Variants in TAF1 observed in about 807,000 individuals in gnomAD.
The protein encoded by TAF1 is TATA-box binding protein associated factor 1.
TAF1 carries 2 observed loss-of-function variants against 138.5 expected under a neutral mutation model. The ratio of observed to expected loss-of-function variants is 0.01; its 90% CI spans 0.01 to 0.05. The LOEUF is 0.05. Ranked by LOEUF, TAF1 falls within the 10% of genes least tolerant of loss-of-function variation. The pLI is 1.00. For missense variants in TAF1, 709 were observed against 1,478.0 expected (o/e 0.48, Z 8.53); for synonymous variants, 437 against 503.2 (o/e 0.87, Z 1.76).
In TAF1 at chrX:71,368,068, A is replaced by G. The variant is rs1257225399; in HGVS notation, c.250A>G (p.Thr84Ala). 4 of 1,211,729 alleles carry G rather than the reference A, an allele frequency of 3.3e-6. No individual in the cohort carries two copies. Among genetic ancestry groups the G allele is most frequent in the Non-Finnish European group, 3.4e-6 (3 of 895,376 alleles). The change falls in exon 3 of 38, where the codon ACA becomes GCA. Residue 84 changes from threonine (T) to alanine (A), a missense_variant. Around this residue, in one of 14 missense-constraint regions of TAF1, gnomAD observed 123 missense variants for 161.6 expected, o/e 0.76. Coordinates refer to ENST00000423759, the MANE Select transcript of TAF1 (RefSeq NM_004606.5). ...LVNDEGWVRS[T>A]EDAVDYSDIN... ...TTTTTTCATAGGGTGGGTTAGGAGT[A>G]CAGAAGATGCTGTGGACTATTCAGA...
intron 32 of TAF1, among the ~76,000 whole-genome samples, chrX:71,427,888 G>A (rs1479999590): frequency 1.9e-5 from 2 of 102,776 alleles, no homozygotes; most frequent in Non-Finnish European, 4.0e-5. Context: ...GCGGTGAGCC[G>A]AGATAGTGCC....
chrX:71,394,124 T>A lies in TAF1; in HGVS notation c.3285T>A (p.Asp1095Glu). 8.3e-7 allele frequency: 1 copy of A among 1,212,035 alleles called. No homozygotes were observed. Among genetic ancestry groups the A allele is most frequent in the Non-Finnish European group, 1.1e-6 (1 of 895,590 alleles). ...STDTDSSSAE[D>E]SDFEEMGKNI... ...ACACAGACAGCAGCTCAGCTGAAGA[T>A]AGTGACTTTGAAGAAATGGGAAAGA... Residue 1095 changes from aspartate (D) to glutamate (E), a missense_variant, in exon 22 of 38, where the codon GAT becomes GAA. Physicochemically the swap from Asp to Glu is conservative, Grantham distance 45. Around this residue, in one of 14 missense-constraint regions of TAF1, gnomAD observed 31 missense variants for 52.2 expected, o/e 0.59. Coordinates refer to ENST00000423759, the MANE Select transcript of TAF1 (RefSeq NM_004606.5).
In TAF1 at chrX:71,377,610, G is replaced by C. The variant is rs1291745334; in HGVS notation, c.722G>C (p.Arg241Pro). The change falls in exon 6 of 38, where the codon CGT (arginine) becomes CCT (proline). Residue 241 changes from arginine (R) to proline (P), a missense_variant. This residue lies in a region of TAF1 where 16 missense variants were observed against 42.1 expected (regional missense o/e 0.38). Transcript: ENST00000423759. ...FPEFRPGKVL[R>P]FLRLFGPGKN... ...ATGTATTCTGTGTTCTAGGTGTTAC[G>C]TTTTCTACGTCTTTTTGGACCAGGG... The C allele has an allele frequency of 8.3e-7, 1 of 1,209,130 alleles. No homozygotes were observed. Among genetic ancestry groups the C allele is most frequent in the Admixed American group, 2.2e-5 (1 of 45,413 alleles).
At chrX:71,520,017 T>C (rs181868036) in intron 13 of TAF1, among the ~76,000 whole-genome samples, 1 of 109,839 alleles carries the variant, frequency 9.1e-6, no homozygotes, top group Non-Finnish European at 1.9e-5. Context: ...TTTCGCCATG[T>C]TGGTCAGGCT....
At chrX:71,367,951 G>A (rs755766829) in intron 2 of TAF1, 103 bp from the exon 3 acceptor site, 20 of 905,374 alleles carry the variant, frequency 2.2e-5, no homozygotes, top group African/African-American at 1.6e-4. Context: ...GATTACAGGC[G>A]TGAGCCACCG....
chrX:71,418,456 T>C (rs1182841279), intron 28 of TAF1, among the ~76,000 whole-genome samples: 1 of 112,764 alleles, frequency 8.9e-6, no homozygotes, highest in Admixed American at 9.4e-5. Flanking sequence ...TTCCCATCAT[T>C]GAACACATTG....
At chrX:71,454,620 A>G in intron 33 of TAF1, 121 bp from the exon 34 acceptor site, 1 of 582,878 alleles carries the variant, frequency 1.7e-6, no homozygotes, top group East Asian at 3.6e-5. Context: ...TTTGATTATT[A>G]TCTGTGTCCT....
chrX:71,444,974 C>T (rs369291916), intron 32 of TAF1, among the ~76,000 whole-genome samples: 5 of 110,028 alleles, frequency 4.5e-5, no homozygotes, highest in African/African-American at 1.6e-4. Flanking sequence ...GTGATCTGCC[C>T]GCCTCAGCCT....
chrX:71,404,252 G>A (rs1432815085), intron 25 of TAF1, among the ~76,000 whole-genome samples: 5 of 110,138 alleles, frequency 4.5e-5, no homozygotes, highest in South Asian at 3.9e-4. Flanking sequence ...GATTACAGGC[G>A]TGAGCCACCG....
At chrX:71,402,928 C>T (rs1055435349) in intron 25 of TAF1, among the ~76,000 whole-genome samples, 1 of 110,859 alleles carries the variant, frequency 9.0e-6, no homozygotes, top group East Asian at 2.8e-4. Context: ...TTATTGCTTC[C>T]GTCCCCAGTT....
At chrX:71,417,040 T>A (rs955390373) in intron 28 of TAF1, among the ~76,000 whole-genome samples, 116 of 105,489 alleles carry the variant, frequency 1.1e-3, no homozygotes, top group African/African-American at 3.7e-3. Flanking sequence ...AAAAAAAAAA[T>A]TTCATATTGA....
chrX:71,432,685 G>A (rs1006617122), intron 32 of TAF1, among the ~76,000 whole-genome samples: 5 of 111,126 alleles, frequency 4.5e-5, no homozygotes, highest in Admixed American at 9.6e-5. Context: ...ATTGAAGTTC[G>A]GGCATCTCAA....
rs917291119 is a variant in TAF1, at chrX:71,401,680, T to C, written c.3939T>C (p.Asn1313=). The C allele has an allele frequency of 8.3e-7, 1 of 1,209,579 alleles. No homozygotes were observed. The highest frequency in any genetic ancestry group is 1.1e-6 in the Non-Finnish European group (1 of 895,229). ...ELEKTVIHND[N]EELIKVEGTK... ...AAAAGACAGTCATTCATAATGATAA[T>C]GAAGAACTTATCAAGGTTGAAGGGA... The change falls in exon 25 of 38, where the codon AAT becomes AAC. Residue 1313 remains asparagine (N), a synonymous_variant. Coordinates refer to ENST00000423759, the MANE Select transcript of TAF1 (RefSeq NM_004606.5).
intron 13 of TAF1, among the ~76,000 whole-genome samples, chrX:71,475,440 C>A (rs749815741): frequency 9.2e-6 from 1 of 109,119 alleles, no homozygotes; most frequent in African/African-American, 3.3e-5. Context: ...AAAAAATTAG[C>A]CAGGCATGGT....
chrX:71,483,740 A>ATCTCTCTC (rs1167670247), intron 13 of TAF1, among the ~76,000 whole-genome samples: 83 of 62,381 alleles, frequency 1.3e-3, no homozygotes, highest in African/African-American at 4.3e-3. Context: ...TATTGTGAAC[A>ATCTCTCTC]TCTCTCTCTC....
At chrX:71,470,225 AAAT>A (rs1196352170), downstream of TAF1, among the ~76,000 whole-genome samples, 1 of 110,859 alleles carries the variant, frequency 9.0e-6, no homozygotes, top group African/African-American at 3.3e-5. Flanking sequence ...TAATATTGTA[AAAT>A]AATAATTTAT....
At chrX:71,369,216 C>G (rs986218338) in intron 3 of TAF1, among the ~76,000 whole-genome samples, 1 of 111,026 alleles carries the variant, frequency 9.0e-6, no homozygotes, top group African/African-American at 3.3e-5. Flanking sequence ...AGATTGGTTT[C>G]GAACTCCTTA....
At chrX:71,524,670 T>A (rs186079911) in intron 13 of TAF1, among the ~76,000 whole-genome samples, 17 of 105,794 alleles carry the variant, frequency 1.6e-4, no homozygotes, top group Admixed American at 5.1e-4. Flanking sequence ...TGGCTGGGTG[T>A]GGTGGCTCAC....
intron 37 of TAF1, among the ~76,000 whole-genome samples, chrX:71,462,728 C>T (rs1052649359): frequency 8.9e-6 from 1 of 111,948 alleles, no homozygotes; most frequent in African/African-American, 3.2e-5. Context: ...CATTCTCAAA[C>T]TACTGGTGGT....
Sources: gnomAD v4.1 joint callset for allele counts (sites outside exome capture counted in the v4.1 genomes callset) on GRCh38, gnomAD v4.1.1 for gene constraint, gnomAD v4.1.1 regional missense constraint, MANE v1.5 for transcripts, NCBI Gene and HGNC (gene_info 2026-07-23, HGNC 2026-07-21) for gene names.